Variants in GRM8 observed in about 807,000 individuals in gnomAD.
The protein encoded by GRM8 is glutamate metabotropic receptor 8, also known as metabotropic glutamate receptor 8.
Under a neutral mutation model 87.2 loss-of-function variants are expected in GRM8, and 47 were observed. That is an observed-to-expected ratio of 0.54 (90% CI 0.43 to 0.69). The LOEUF is 0.69. Ranked by LOEUF, GRM8 falls within the 30% of genes least tolerant of loss-of-function variation. The pLI is 0.00. For synonymous variants in GRM8, 396 were observed against 404.5 expected (o/e 0.98, Z 0.25); for missense variants, 1,019 against 1,139.2 (o/e 0.89, Z 1.52).
intron 9 of GRM8, among the ~76,000 whole-genome samples, chr7:126,477,397 C>T (rs1806048987): frequency 6.6e-6 from 1 of 151,928 alleles, no homozygotes; most frequent in Non-Finnish European, 1.5e-5. Flanking sequence ...CACACAGACA[C>T]AAAGATAACT....
intron 9 of GRM8, among the ~76,000 whole-genome samples, chr7:126,462,120 G>C (rs1001479242): frequency 6.6e-6 from 1 of 151,542 alleles, no homozygotes; most frequent in South Asian, 2.1e-4. Context: ...GTTATGACTT[G>C]TTCCAAGTAT....
chr7:127,153,993 G>A (rs572537488), intron 2 of GRM8, among the ~76,000 whole-genome samples: 1 of 152,194 alleles, frequency 6.6e-6, no homozygotes, highest in East Asian at 1.9e-4. Flanking sequence ...AGCACGGGTG[G>A]TGAGTATGAG....
chr7:126,609,106 A>G (rs1176167658), intron 8 of GRM8, among the ~76,000 whole-genome samples: 1 of 152,192 alleles, frequency 6.6e-6, no homozygotes, highest in Non-Finnish European at 1.5e-5. Flanking sequence ...TAAAAGGGCA[A>G]AATTTATCTA....
intron 8 of GRM8, among the ~76,000 whole-genome samples, chr7:126,581,989 G>A (rs1042465111): frequency 7.9e-5 from 12 of 151,952 alleles, no homozygotes; most frequent in African/African-American, 2.9e-4. Flanking sequence ...TTGAAATTAG[G>A]CCAACTACCA....
In GRM8 at chr7:126,819,275, T is replaced by C. The variant is rs11768228; in HGVS notation, c.1157-49210A>G. On this transcript the variant is annotated intron_variant, in intron 6 of 10. Coordinates refer to ENST00000339582, the MANE Select transcript of GRM8 (RefSeq NM_000845.3). ...CCCTTCCTATTCAGACAGACACACA[T>C]ACACACACACACACACACACACGTG... Among the ~76,000 whole-genome samples the C allele has an allele frequency of 1.7e-3, 245 of 148,326 alleles. 1 individual carries two copies. Among genetic ancestry groups the C allele is most frequent in the African/African-American group, 4.8e-3 (194 of 40,294 alleles).
chr7:126,803,825 A>T (rs1792365024), intron 6 of GRM8, among the ~76,000 whole-genome samples: 1 of 152,208 alleles, frequency 6.6e-6, no homozygotes, highest in African/African-American at 2.4e-5. Context: ...CTTGCTCTAT[A>T]ACATAGTGTT....
intron 9 of GRM8, among the ~76,000 whole-genome samples, chr7:126,502,776 A>G (rs1270185854): frequency 1.3e-5 from 2 of 152,082 alleles, no homozygotes; most frequent in Non-Finnish European, 2.9e-5. Context: ...TGTGTACTTT[A>G]TAATACATAA....
At chr7:127,007,547 A>C (rs1024955059) in intron 3 of GRM8, among the ~76,000 whole-genome samples, 1 of 151,998 alleles carries the variant, frequency 6.6e-6, no homozygotes, top group Non-Finnish European at 1.5e-5. Context: ...TCACTAGTGG[A>C]TTGTTTCAGA....
chr7:126,709,150 T>C (rs138264032), intron 7 of GRM8, among the ~76,000 whole-genome samples: 197 of 152,108 alleles, frequency 1.3e-3, no homozygotes, highest in African/African-American at 4.3e-3. Flanking sequence ...CCAAAGAAAA[T>C]AGACAAATGT....
At chr7:126,823,551 A>T (rs992339316) in intron 6 of GRM8, among the ~76,000 whole-genome samples, 1 of 152,352 alleles carries the variant, frequency 6.6e-6, no homozygotes, top group South Asian at 2.1e-4. Context: ...ATGTAATTTT[A>T]AAATTTATGA....
chr7:126,459,830 A>C (rs1025439403), intron 9 of GRM8, among the ~76,000 whole-genome samples: 1 of 151,500 alleles, frequency 6.6e-6, no homozygotes, highest in Non-Finnish European at 1.5e-5. Flanking sequence ...GGTGGAAAGC[A>C]TAAGACAACT....
intron 2 of GRM8, among the ~76,000 whole-genome samples, chr7:127,237,540 G>C (rs929633815): frequency 2.0e-5 from 3 of 152,206 alleles, no homozygotes; most frequent in African/African-American, 7.2e-5. Context: ...GACTGCCAGG[G>C]AAACAAGCTG....
At chr7:126,863,215 A>G (rs1183877741) in intron 6 of GRM8, among the ~76,000 whole-genome samples, 1 of 152,098 alleles carries the variant, frequency 6.6e-6, no homozygotes, top group African/African-American at 2.4e-5. Context: ...TAACTCATGA[A>G]TTATTTAGAA....
chr7:126,892,757 T>C (rs1314233148), intron 6 of GRM8, among the ~76,000 whole-genome samples: 2 of 152,062 alleles, frequency 1.3e-5, no homozygotes, highest in East Asian at 3.9e-4. Flanking sequence ...CCACCAACAG[T>C]GTAAAAGTGT....
intron 2 of GRM8, among the ~76,000 whole-genome samples, chr7:127,180,099 A>G (rs1045435738): frequency 6.6e-6 from 1 of 152,132 alleles, no homozygotes; most frequent in Non-Finnish European, 1.5e-5. Context: ...TTGATAGACC[A>G]TCAGCAAGAT....
At chr7:126,984,216 T>C (rs1338227511) in intron 3 of GRM8, among the ~76,000 whole-genome samples, 4 of 152,196 alleles carry the variant, frequency 2.6e-5, no homozygotes, top group African/African-American at 9.7e-5. Flanking sequence ...TTGTCTTTAT[T>C]TGAAGATTAC....
chr7:127,092,247 G>A (rs1019236500), intron 3 of GRM8, among the ~76,000 whole-genome samples: 2 of 151,876 alleles, frequency 1.3e-5, no homozygotes, highest in African/African-American at 4.8e-5. Flanking sequence ...TCTCTCTGTG[G>A]CAATGGTCTT....
intron 9 of GRM8, among the ~76,000 whole-genome samples, chr7:126,500,791 C>T (rs1809525192): frequency 6.6e-6 from 1 of 151,926 alleles, no homozygotes; most frequent in Non-Finnish European, 1.5e-5. Flanking sequence ...GCTTTTAATG[C>T]ATTATGATAT....
intron 7 of GRM8, among the ~76,000 whole-genome samples, chr7:126,681,152 T>G (rs1167154163): frequency 6.6e-6 from 1 of 152,208 alleles, no homozygotes; most frequent in African/African-American, 2.4e-5. Flanking sequence ...AGACCCCATT[T>G]TCTGCATACT....
Sources: gnomAD v4.1 joint callset for allele counts (sites outside exome capture counted in the v4.1 genomes callset) on GRCh38, gnomAD v4.1.1 for gene constraint, MANE v1.5 for transcripts, NCBI Gene and HGNC (gene_info 2026-07-23, HGNC 2026-07-21) for gene names.